The following PHACTR2 variants were observed in gnomAD, a reference collection of about 807,000 sequenced individuals.
PHACTR2 encodes the protein chromosome 6 open reading frame 56.
In PHACTR2, 30 loss-of-function variants were observed where a neutral mutation model predicts 76.0. That is an observed-to-expected ratio of 0.39 (90% CI 0.30 to 0.54). The LOEUF (loss-of-function observed/expected upper bound fraction) is 0.54. Among genes scored for constraint, PHACTR2 ranks in the 20% least tolerant of loss-of-function variants. The pLI, the probability that PHACTR2 is intolerant of heterozygous loss-of-function variation, is 0.61. For missense variants in PHACTR2, 696 were observed against 781.1 expected (o/e 0.89, Z 1.30); for synonymous variants, 292 against 292.5 (o/e 1.00, Z 0.02).
intron 1 of PHACTR2, among the ~76,000 whole-genome samples, chr6:143,629,754 A>G (rs1490137284): frequency 1.3e-5 from 2 of 152,054 alleles, no homozygotes; most frequent in Non-Finnish European, 1.5e-5. Flanking sequence ...GGAGCCCAAA[A>G]CAGAGCAGTG....
rs1320504621 is a variant in PHACTR2, at chr6:143,543,984, C to T, written c.217+6777C>T. Reference sequence around the variant, plus strand: ...GTGCTGAGTATTTCTAACTGAAGGACATTGGAAGGGCCTCAGAAGTAAAGC... The same window carrying T: ...GTGCTGAGTATTTCTAACTGAAGGATATTGGAAGGGCCTCAGAAGTAAAGC... On this transcript the variant is annotated intron_variant, in intron 1 of 11. Coordinates refer to the PHACTR2 transcript ENST00000367584. This position sits in a 1 kb window ranked among gnomAD's most constrained non-coding sequence, Gnocchi z 4.7. 6.6e-6 allele frequency among the ~76,000 whole-genome samples: 1 copy of T among 152,160 alleles called. No individual in the cohort carries two copies. Among genetic ancestry groups the T allele is most frequent in the Non-Finnish European group, 1.5e-5 (1 of 68,036 alleles).
chr6:143,779,706 A>G (rs1582873289), intron 9 of PHACTR2, among the ~76,000 whole-genome samples: 1 of 152,014 alleles, frequency 6.6e-6, no homozygotes, highest in South Asian at 2.1e-4. Flanking sequence ...AAAACATTCA[A>G]CAATTTTTAG....
At chr6:143,637,139 G>A (rs769269512) in intron 1 of PHACTR2, among the ~76,000 whole-genome samples, 10 of 152,178 alleles carry the variant, frequency 6.6e-5, no homozygotes, top group Non-Finnish European at 1.5e-4. Flanking sequence ...CTAACCGGGG[G>A]TGGTGCAAAT....
Position 143,742,352 on chromosome 6 carries a change from T to C in PHACTR2, c.215-6633T>C, listed in dbSNP as rs928982898. On this transcript the variant is annotated intron_variant, in intron 2 of 12. Transcript: ENST00000440869. The surrounding 1 kb of genome is among the most constrained non-coding windows in gnomAD (Gnocchi z 4.5). The stretch of plus-strand genomic sequence containing the variant: ...CTGTTGGCTTTTGTTGTTGTTGTGG[T>C]TGTTAACTTCAGTTCTCCTCTTGCG... Among the ~76,000 whole-genome samples the C allele has an allele frequency of 6.6e-6, 1 of 152,190 alleles. No homozygotes were observed. The highest frequency in any genetic ancestry group is 1.5e-5 in the Non-Finnish European group (1 of 68,042).
chr6:143,557,217 G>A lies in PHACTR2; in HGVS notation c.217+20010G>A, dbSNP rs2128428446. Among the ~76,000 whole-genome samples the A allele has an allele frequency of 6.6e-6, 1 of 152,314 alleles. No homozygotes were observed. Among genetic ancestry groups the A allele is most frequent in the East Asian group, 1.9e-4 (1 of 5,188 alleles). ...AATCATCATCATCACTAGTATTGCA[G>A]AGAAGTTTAAAAGGATTCTCATCTC... On this transcript the variant is annotated intron_variant, in intron 1 of 11. Coordinates refer to the PHACTR2 transcript ENST00000367584. This position sits in a 1 kb window ranked among gnomAD's most constrained non-coding sequence, Gnocchi z 5.5.
rs902693547 is a variant in PHACTR2, at chr6:143,602,048, C to T, written c.217+64841C>T. On this transcript the variant is annotated intron_variant, in intron 1 of 11. Coordinates refer to the PHACTR2 transcript ENST00000367584. The surrounding 1 kb of genome is among the most constrained non-coding windows in gnomAD (Gnocchi z 6.1). ...TTTTATGTTAGGAACATTCCAATTC[C>T]ACTCTTTTAGTTATTTTGAAATATA... Among the ~76,000 whole-genome samples the T allele has an allele frequency of 6.6e-6, 1 of 152,136 alleles. No individual in the cohort carries two copies. Among genetic ancestry groups the T allele is most frequent in the Non-Finnish European group, 1.5e-5 (1 of 68,030 alleles).
chr6:143,605,495 C>T (rs540699324), upstream of PHACTR2, among the ~76,000 whole-genome samples: 3 of 151,736 alleles, frequency 2.0e-5, no homozygotes, highest in East Asian at 5.9e-4. This position sits in a 1 kb window ranked among gnomAD's most constrained non-coding sequence, Gnocchi z 5.0. Flanking sequence ...GAAAATGGTC[C>T]ACTTACTGTG....
At position 143,589,119 on chromosome 6, in the gene PHACTR2, T is replaced by A. The variant is rs1197182366; in HGVS notation, c.217+51912T>A. The stretch of plus-strand genomic sequence containing the variant: ...AGCTCTGGAGGCTGGAAGTCCAAGA[T>A]CAAGGTGTTAGCAGGTATGGTCTCT... On this transcript the variant is annotated intron_variant, in intron 1 of 11. Transcript: ENST00000367584. The surrounding 1 kb of genome is among the most constrained non-coding windows in gnomAD (Gnocchi z 4.4). 6.6e-6 allele frequency among the ~76,000 whole-genome samples: 1 copy of A among 152,178 alleles called. No individual in the cohort carries two copies. Among genetic ancestry groups the A allele is most frequent in the African/African-American group, 2.4e-5 (1 of 41,438 alleles).
chr6:143,604,008 G>T (rs1209646733), upstream of PHACTR2, among the ~76,000 whole-genome samples: 1 of 149,054 alleles, frequency 6.7e-6, no homozygotes, highest in Non-Finnish European at 1.5e-5. Flanking sequence ...TGAGGCTCGA[G>T]AATCACTTGA....
intron 2 of PHACTR2, among the ~76,000 whole-genome samples, chr6:143,736,536 T>C (rs1368199734): frequency 6.6e-6 from 1 of 151,192 alleles, no homozygotes; most frequent in Non-Finnish European, 1.5e-5. Flanking sequence ...GTCTGTAATT[T>C]ATGCCAAACC....
intron 1 of PHACTR2, among the ~76,000 whole-genome samples, chr6:143,661,830 T>G (rs779905732): frequency 1.6e-4 from 24 of 152,120 alleles, no homozygotes; most frequent in Non-Finnish European, 2.8e-4. Context: ...GTGCTGGGAT[T>G]ACAAGCATGA....
At position 143,803,286 on chromosome 6, in the gene PHACTR2, G is replaced by A. The variant is rs531350898; in HGVS notation, c.1846-3771G>A. Among the ~76,000 whole-genome samples, 6 of 152,304 alleles carry A rather than the reference G, an allele frequency of 3.9e-5. No individual in the cohort carries two copies. The highest frequency in any genetic ancestry group is 8.8e-5 in the Non-Finnish European group (6 of 68,024). On this transcript the variant is annotated intron_variant, in intron 11 of 12. Coordinates refer to ENST00000440869, the MANE Select transcript of PHACTR2 (RefSeq NM_001100164.2). The surrounding 1 kb of genome is among the most constrained non-coding windows in gnomAD (Gnocchi z 4.7). ...ATAGAGGCCGATTGCAGTGGCTCAC[G>A]CCTGTAGTTCCAGCACTTTGGGAGG... is the stretch of plus-strand genomic sequence containing the variant.
intron 1 of PHACTR2, among the ~76,000 whole-genome samples, chr6:143,668,697 T>C (rs1777091668): frequency 6.6e-6 from 1 of 152,214 alleles, no homozygotes; most frequent in Non-Finnish European, 1.5e-5. Flanking sequence ...TAGTAGTTCG[T>C]ATTTCTGTAG....
upstream of PHACTR2, among the ~76,000 whole-genome samples, chr6:143,677,808 G>GGGGGT (rs1777277740): frequency 1.3e-5 from 2 of 152,272 alleles, no homozygotes; most frequent in South Asian, 4.1e-4. Flanking sequence ...ACCACCCTGA[G>GGGGGT]GGGGTGCGGG....
rs1297705237 is a variant in PHACTR2 at position 143,597,179 on chromosome 6, G to GT, written c.217+59972_217+59973insT. Among the ~76,000 whole-genome samples, 2 of 152,236 alleles carry GT rather than the reference G, an allele frequency of 1.3e-5. No individual in the cohort carries two copies. Among genetic ancestry groups the GT allele is most frequent in the Non-Finnish European group, 2.9e-5 (2 of 68,040 alleles). On this transcript the variant is annotated intron_variant, in intron 1 of 11. Coordinates refer to the PHACTR2 transcript ENST00000367584. The surrounding 1 kb of genome is among the most constrained non-coding windows in gnomAD (Gnocchi z 5.7). ...GGAAAACCCATTGTAGGGAGGGACAGGAATGACTTCCAGGAAGATAGTTGC... is the reference window on the plus strand; with the variant it reads ...GGAAAACCCATTGTAGGGAGGGACAGTGAATGACTTCCAGGAAGATAGTTGC...
chr6:143,542,980 G>A (rs1266549418), intron 1 of PHACTR2, among the ~76,000 whole-genome samples: 2 of 152,188 alleles, frequency 1.3e-5, no homozygotes, highest in Non-Finnish European at 2.9e-5. Flanking sequence ...ACTGCTATGT[G>A]CCAGGTACTG....
intron 2 of PHACTR2, among the ~76,000 whole-genome samples, chr6:143,735,297 C>A (rs1582823921): frequency 6.6e-6 from 1 of 151,958 alleles, no homozygotes; most frequent in Non-Finnish European, 1.5e-5. Flanking sequence ...AATAAAAAAA[C>A]ATGATTGGAA....
chr6:143,686,481 CTTTTTTTTTTTTT>C (rs71024870), intron 1 of PHACTR2, among the ~76,000 whole-genome samples: 1 of 83,990 alleles, frequency 1.2e-5, no homozygotes, highest in Non-Finnish European at 2.2e-5. Context: ...GAACTTCATT[CTTTTTTTTTTTTT>C]TTTTTTTTTT....
intron 2 of PHACTR2, among the ~76,000 whole-genome samples, chr6:143,737,817 G>T (rs1387813103): frequency 3.3e-5 from 5 of 152,158 alleles, no homozygotes; most frequent in African/African-American, 4.8e-5. Context: ...TTTAGTTTAG[G>T]CCTGGACCAG....
Sources: gnomAD v4.1 joint callset for allele counts (sites outside exome capture counted in the v4.1 genomes callset) on GRCh38, gnomAD v4.1.1 for gene constraint, Gnocchi (gnomAD v3.1) non-coding constraint, MANE v1.5 for transcripts, NCBI Gene and HGNC (gene_info 2026-07-23, HGNC 2026-07-21) for gene names.